Variants in ZFAT observed in about 807,000 individuals in gnomAD.
ZFAT encodes zinc finger protein ZFAT.
In ZFAT, 64 loss-of-function variants were observed where a neutral mutation model predicts 117.7. The observed-to-expected ratio is 0.54, with a 90% confidence interval of 0.44 to 0.67. The LOEUF (loss-of-function observed/expected upper bound fraction) is 0.67, where lower values mean the gene tolerates loss of function less well. ZFAT is among the 30% of genes least tolerant of loss of function. The probability of loss-of-function intolerance (pLI) is 0.00; values close to 1 mark genes in which losing one functional copy is unlikely to be tolerated. For missense variants in ZFAT, 1,433 were observed against 1,584.5 expected (o/e 0.90, Z 1.62); for synonymous variants, 679 against 615.0 (o/e 1.10, Z -1.54).
chr8:134,803,026 G>A, the ZFAT span, among the ~76,000 whole-genome samples: 126 of 152,224 alleles, frequency 8.3e-4, no homozygotes, highest in African/African-American at 2.8e-3. Flanking sequence ...AACTGACATC[G>A]TCTTTGATTC....
chr8:134,571,474 C>T (rs1824896269), intron 10 of ZFAT, among the ~76,000 whole-genome samples: 1 of 152,250 alleles, frequency 6.6e-6, no homozygotes, highest in South Asian at 2.1e-4. Context: ...TTTCTGTCAA[C>T]TGCAACCAAT....
At chr8:134,518,432 G>A (rs376186099) in intron 13 of ZFAT, among the ~76,000 whole-genome samples, 61 of 152,194 alleles carry the variant, frequency 4.0e-4, no homozygotes, top group African/African-American at 1.4e-3. Flanking sequence ...TTTTCCAGCA[G>A]AGATAATGTC....
intron 10 of ZFAT, among the ~76,000 whole-genome samples, chr8:134,581,645 G>T (rs562959561): frequency 6.6e-6 from 1 of 152,292 alleles, no homozygotes; most frequent in South Asian, 2.1e-4. Flanking sequence ...GAGTGCAGTG[G>T]TGCGATCTTG....
At chr8:134,799,236 C>A in the ZFAT span, among the ~76,000 whole-genome samples, 1 of 152,160 alleles carries the variant, frequency 6.6e-6, no homozygotes, top group African/African-American at 2.4e-5. Context: ...ATTTAGACAT[C>A]TTCCACAGGA....
the ZFAT span, among the ~76,000 whole-genome samples, chr8:134,727,418 T>C: frequency 6.6e-6 from 1 of 152,200 alleles, no homozygotes; most frequent in South Asian, 2.1e-4. Context: ...GAAAGGGTCC[T>C]GTCACTGCGC....
the ZFAT span, among the ~76,000 whole-genome samples, chr8:134,753,681 G>T: frequency 6.6e-6 from 1 of 152,186 alleles, no homozygotes; most frequent in Non-Finnish European, 1.5e-5. Flanking sequence ...AAGTAAAAAT[G>T]AGAACAGTGA....
At chr8:134,579,643 G>A (rs1825580317) in intron 10 of ZFAT, among the ~76,000 whole-genome samples, 1 of 152,134 alleles carries the variant, frequency 6.6e-6, no homozygotes, top group African/African-American at 2.4e-5. Context: ...TAAGACTGCG[G>A]GGATCACCTA....
intron 13 of ZFAT, among the ~76,000 whole-genome samples, chr8:134,519,824 A>AC (rs1283800762): frequency 6.8e-6 from 1 of 146,128 alleles, no homozygotes; most frequent in East Asian, 2.0e-4. Context: ...GATGACACAC[A>AC]TTTTTTTTTT....
At position 134,518,729 on chromosome 8, in the gene ZFAT, A is replaced by G. The variant is rs1169361351; in HGVS notation, c.3234+2154T>C. ...TTATTTATGAGCTCTCAGTTTATAG[A>G]TGAATTCAATTATGCTTTCTTCTAG... On this transcript the variant is annotated intron_variant, in intron 13 of 15. Coordinates refer to ENST00000377838, the MANE Select transcript of ZFAT (RefSeq NM_020863.4). Among the ~76,000 whole-genome samples, 3 of 151,982 alleles carry G rather than the reference A, an allele frequency of 2.0e-5. No homozygotes were observed. The East Asian group carries it at 5.8e-4, about 29-fold the overall frequency.
chr8:134,738,793 A>T, the ZFAT span, among the ~76,000 whole-genome samples: 5 of 152,210 alleles, frequency 3.3e-5, no homozygotes, highest in Admixed American at 6.5e-5. Context: ...CAGCATGTGC[A>T]AAGGCCCAGG....
intron 6 of ZFAT, among the ~76,000 whole-genome samples, chr8:134,601,146 G>A (rs1045269469): frequency 2.6e-5 from 4 of 152,148 alleles, no homozygotes; most frequent in Admixed American, 2.6e-4. Context: ...GGCTGATATA[G>A]TAGTTGGCCA....
rs112808862 is a variant in ZFAT at position 134,711,807 on chromosome 8, A to C, written c.19+1038T>G. On this transcript the variant is annotated intron_variant, in intron 1 of 15. Coordinates refer to ENST00000377838, the MANE Select transcript of ZFAT (RefSeq NM_020863.4). ...TACCCCTGCCTGGCGTGCAGAGGGG[A>C]TCCTTGCAAAGCTGTTATTTGAACT... Among the ~76,000 whole-genome samples, 231 of 152,128 alleles carry C rather than the reference A, an allele frequency of 1.5e-3. 1 individual carries two copies. Among genetic ancestry groups the C allele is most frequent in the African/African-American group, 5.4e-3 (223 of 41,488 alleles).
intron 3 of ZFAT, 78 bp downstream of exon 3, chr8:134,637,383 T>A: frequency 3.3e-6 from 5 of 1,528,034 alleles, no homozygotes; most frequent in Non-Finnish European, 4.4e-6. Context: ...AAGTAAAAAC[T>A]GACCCAGTGA....
chr8:134,713,190 G>C, upstream of ZFAT: 1 of 239,176 alleles, frequency 4.2e-6, no homozygotes, highest in Non-Finnish European at 8.1e-6. Flanking sequence ...CACGGATTCC[G>C]CTGCGCCGCG....
chr8:134,629,685 G>A (rs749169881), intron 3 of ZFAT, among the ~76,000 whole-genome samples: 7 of 152,226 alleles, frequency 4.6e-5, no homozygotes, highest in African/African-American at 7.2e-5. Context: ...ATATAAAGAC[G>A]GTCCTTGCTT....
intron 15 of ZFAT, among the ~76,000 whole-genome samples, chr8:134,503,714 C>CA: frequency 6.6e-6 from 1 of 152,120 alleles, no homozygotes; most frequent in East Asian, 1.9e-4. Flanking sequence ...TTCTTCCTCC[C>CA]AACAGCCTTC....
chr8:134,680,780 A>G (rs916600395), intron 1 of ZFAT, among the ~76,000 whole-genome samples: 1 of 152,206 alleles, frequency 6.6e-6, no homozygotes, highest in Non-Finnish European at 1.5e-5. Flanking sequence ...AACGTACCTG[A>G]TGCCACTAAA....
chr8:134,506,123 AT>A (rs749264636), intron 15 of ZFAT, among the ~76,000 whole-genome samples: 2 of 152,202 alleles, frequency 1.3e-5, no homozygotes, highest in Non-Finnish European at 2.9e-5. Context: ...TCATGATAGC[AT>A]TTCCTGTGCG....
chr8:134,761,126 G>T, the ZFAT span, among the ~76,000 whole-genome samples: 2 of 152,202 alleles, frequency 1.3e-5, no homozygotes, highest in African/African-American at 4.8e-5. Context: ...AGAAAGCCCT[G>T]CTGATTGGTG....
Sources: allele counts gnomAD v4.1 joint callset (sites outside exome capture counted in the v4.1 genomes callset), GRCh38; gene constraint gnomAD v4.1.1; transcripts MANE v1.5; gene names NCBI Gene and HGNC (gene_info 2026-07-23, HGNC 2026-07-21).